The following HNRNPA2B1 variants were observed in gnomAD, a reference collection of about 807,000 sequenced individuals.
The protein encoded by HNRNPA2B1 is heterogeneous nuclear ribonucleoprotein A2/B1.
In HNRNPA2B1, 3 loss-of-function variants were observed where a neutral mutation model predicts 46.3. The observed-to-expected ratio is 0.06, with a 90% CI of 0.03 to 0.17. The LOEUF is 0.17. Ranked by LOEUF, HNRNPA2B1 falls within the 10% of genes least tolerant of loss-of-function variation. The pLI is 1.00. For missense variants in HNRNPA2B1, 221 were observed against 418.9 expected, an observed-to-expected ratio of 0.53 and a Z score of 4.12; for synonymous variants, 225 against 133.8, an observed-to-expected ratio of 1.68 and a Z score of -4.70.
rs1783116715 is a variant in HNRNPA2B1, at chr7:26,193,242, A to G, written c.964+9T>C. 2 of 1,604,830 alleles carry G rather than the reference A, an allele frequency of 1.2e-6. No homozygotes were observed. The highest frequency in any genetic ancestry group is 1.1e-5 in the South Asian group (1 of 89,068). On this transcript the variant is annotated intron_variant, in intron 9 of 10. Transcript: ENST00000618183. ...AAAAATCTGAATAACCTCAATTTTT[A>G]TAAATTACCTCCACCATATGGTCCC... is the stretch of plus-strand genomic sequence containing the variant.
intron 6 of HNRNPA2B1, 87 bp from the exon 7 acceptor site, chr7:26,195,996 G>T: frequency 6.7e-7 from 1 of 1,491,736 alleles, no homozygotes; most frequent in Non-Finnish European, 8.9e-7. Context: ...TACTACCTCA[G>T]CACAATAATT....
intron 1 of HNRNPA2B1, chr7:26,198,815 A>C (rs1783987739): frequency 1.3e-5 from 2 of 152,196 alleles, no homozygotes; most frequent in Non-Finnish European, 2.9e-5. Flanking sequence ...ATTTTCAATC[A>C]ATTATTTTTT....
In HNRNPA2B1 at chr7:26,192,747, T is replaced by C. The variant is rs12672536; in HGVS notation, c.965-170A>G. Among the ~76,000 whole-genome samples, 23,320 of 152,208 alleles carry C rather than the reference T, an allele frequency of 0.15. 2,340 individuals are homozygous for C. Among genetic ancestry groups the C allele is most frequent in the East Asian group, 0.43 (2,223 of 5,176 alleles). On this transcript the variant is annotated intron_variant, in intron 9 of 10. Coordinates refer to ENST00000618183, the MANE Select transcript of HNRNPA2B1 (RefSeq NM_002137.4). ...TCAGGAGATAAATTACTCGGGTTCA[T>C]AGACATTTTTATTTCGTGGCTGACC...
intron 7 of HNRNPA2B1, 45 bp downstream of exon 7, chr7:26,195,801 TA>T: frequency 1.3e-6 from 2 of 1,591,726 alleles, no homozygotes; most frequent in Non-Finnish European, 1.7e-6. Flanking sequence ...ACGATATAGT[TA>T]AGTATTAGTC....
intron 9 of HNRNPA2B1, 57 bp from the exon 10 acceptor site, chr7:26,192,634 C>G (rs1359531092): frequency 7.4e-7 from 1 of 1,347,490 alleles, no homozygotes; most frequent in East Asian, 2.3e-5. Flanking sequence ...CCATGATCAG[C>G]CTAACACTAC....
chr7:26,191,263 G>A lies in HNRNPA2B1; in HGVS notation c.*1097C>T, dbSNP rs749225559. 1 of 152,038 alleles carries A rather than the reference G, an allele frequency of 6.6e-6. No homozygotes were observed. The highest frequency in any genetic ancestry group is 2.4e-5 in the African/African-American group (1 of 41,370). 9.4% of individuals were successfully genotyped at this position (152,038 alleles called of 1,614,324 possible). A position where few individuals can be genotyped will look rare whatever the true frequency, so the allele number is the denominator to read the frequency against. Reference sequence around the variant, plus strand: ...TAAGTAAATGACAGATTGGAAAACAGGGTTTATAAAAATTATTCTCTTGAG... The same window carrying A: ...TAAGTAAATGACAGATTGGAAAACAAGGTTTATAAAAATTATTCTCTTGAG... On this transcript the variant is annotated 3_prime_UTR_variant, in exon 11 of 11. Coordinates refer to ENST00000618183, the MANE Select transcript of HNRNPA2B1 (RefSeq NM_002137.4).
intron 1 of HNRNPA2B1, 149 bp from the exon 2 acceptor site, chr7:26,197,881 A>C: frequency 6.3e-7 from 1 of 1,578,634 alleles, no homozygotes; most frequent in Non-Finnish European, 8.6e-7. Context: ...GGGGAAAAAA[A>C]AAACTTACAT....
Position 26,194,820 on chromosome 7 carries a change from C to T in HNRNPA2B1, c.721+1027G>A, listed in dbSNP as rs972507796. On this transcript the variant is annotated intron_variant, in intron 7 of 10. Transcript: ENST00000618183. ...AAATAAAAAAAAAAAAAAGGCTGGG[C>T]ATGGTTGCTCACGCCTGTAACCCCA... Among the ~76,000 whole-genome samples the T allele has an allele frequency of 2.0e-5, 3 of 150,532 alleles. 1 individual carries two copies. Among genetic ancestry groups the T allele is most frequent in the Non-Finnish European group, 1.5e-5 (1 of 67,758 alleles).
rs569584977 is a variant in HNRNPA2B1, at chr7:26,189,930, A to G, written c.*2430T>C. 20 of 152,348 alleles carry G rather than the reference A, an allele frequency of 1.3e-4. No homozygotes were observed. Among genetic ancestry groups the G allele is most frequent in the Admixed American group, 1.3e-3 (20 of 15,300 alleles). 9.4% of individuals were successfully genotyped at this position (152,348 alleles called of 1,614,324 possible). A position where few individuals can be genotyped will look rare whatever the true frequency, so the allele number is the denominator to read the frequency against. ...AGGAGTACTCAAACGCTGAATATAC[A>G]GTGCATAATGAACAGCATTTTATTG... On this transcript the variant is annotated 3_prime_UTR_variant, in exon 11 of 11. Transcript: ENST00000618183.
At chr7:26,196,219 T>G (rs1783613738) in intron 6 of HNRNPA2B1, among the ~76,000 whole-genome samples, 182 bp downstream of exon 6, 1 of 152,222 alleles carries the variant, frequency 6.6e-6, no homozygotes, top group Non-Finnish European at 1.5e-5. Context: ...ATACAACTGT[T>G]ATTAATACAA....
At chr7:26,193,441 T>A (rs1349656946) in intron 8 of HNRNPA2B1, 68 bp from the exon 9 acceptor site, 25 of 1,541,564 alleles carry the variant, frequency 1.6e-5, no homozygotes, top group Non-Finnish European at 1.9e-5. Flanking sequence ...AAAGCTCCCA[T>A]AAAAACAAAT....
intron 1 of HNRNPA2B1, 89 bp from the exon 2 acceptor site, chr7:26,197,821 G>A: frequency 1.2e-6 from 2 of 1,604,686 alleles, no homozygotes; most frequent in South Asian, 1.1e-5. Context: ...GTGACCTGCT[G>A]GCAGAGTACC....
At chr7:26,199,201 C>G (rs1432072398) in intron 1 of HNRNPA2B1, 1 of 152,558 alleles carries the variant, frequency 6.6e-6, no homozygotes, top group Non-Finnish European at 1.5e-5. Context: ...CACAATTTAT[C>G]CAAACTTACC....
At chr7:26,198,069 C>A (rs1418558504) in intron 1 of HNRNPA2B1, 2 of 401,112 alleles carry the variant, frequency 5.0e-6, no homozygotes, top group African/African-American at 2.1e-5. Flanking sequence ...AAATGTAGAC[C>A]GTGATTATCA....
intron 1 of HNRNPA2B1, chr7:26,200,248 C>G (rs1784251408): frequency 2.9e-6 from 1 of 348,222 alleles, no homozygotes; most frequent in African/African-American, 2.1e-5. Context: ...CCGTGGCCCC[C>G]GAAGCAGCGT....
intron 1 of HNRNPA2B1, chr7:26,198,791 A>G (rs1314694987): frequency 3.3e-5 from 5 of 152,258 alleles, no homozygotes; most frequent in Non-Finnish European, 5.9e-5. Context: ...ATGCAAACTA[A>G]AAAGTCACAC....
At chr7:26,194,614 T>G (rs1783302295) in intron 7 of HNRNPA2B1, among the ~76,000 whole-genome samples, 3 of 150,678 alleles carry the variant, frequency 2.0e-5, no homozygotes, top group Admixed American at 2.0e-4. Context: ...GGTGGGAGGA[T>G]GGCTTGAGAC....
chr7:26,200,613 C>A lies in HNRNPA2B1; in HGVS notation c.-36G>T. 1 of 1,613,462 alleles carries A rather than the reference C, an allele frequency of 6.2e-7. No homozygotes were observed. The highest frequency in any genetic ancestry group is 2.2e-5 in the East Asian group (1 of 44,886). On this transcript the variant is annotated 5_prime_UTR_variant, in exon 1 of 11. Coordinates refer to ENST00000618183, the MANE Select transcript of HNRNPA2B1 (RefSeq NM_002137.4). ...GTCGCTTCAGCCCGATTTCCCGCAGCCGAGCGAGATGAGAGAGATCTCCGC... is the reference window on the plus strand; with the variant it reads ...GTCGCTTCAGCCCGATTTCCCGCAGACGAGCGAGATGAGAGAGATCTCCGC...
chr7:26,194,984 C>T (rs924067051), intron 7 of HNRNPA2B1, among the ~76,000 whole-genome samples: 1 of 150,986 alleles, frequency 6.6e-6, no homozygotes, highest in Non-Finnish European at 1.5e-5. Flanking sequence ...ATCCCAGCTA[C>T]TCAGGAGGCT....
Sources: allele counts gnomAD v4.1 joint callset (sites outside exome capture counted in the v4.1 genomes callset), GRCh38; gene constraint gnomAD v4.1.1; transcripts MANE v1.5; gene names NCBI Gene and HGNC (gene_info 2026-07-23, HGNC 2026-07-21).